Variants in AP2A2 observed in about 807,000 individuals in gnomAD.
The protein encoded by AP2A2 is adaptor related protein complex 2 subunit alpha 2.
AP2A2 carries 32 observed loss-of-function variants against 104.2 expected under a neutral mutation model. The observed-to-expected ratio is 0.31, with a 90% CI of 0.23 to 0.41. AP2A2 has a LOEUF of 0.41. Among genes scored for constraint, AP2A2 ranks in the 10% least tolerant of loss-of-function variants. AP2A2 has a pLI of 1.00. For missense variants in AP2A2, 912 were observed against 1,261.0 expected (o/e 0.72, Z 4.19); for synonymous variants, 539 against 533.3 (o/e 1.01, Z -0.15).
intron 1 of AP2A2, among the ~76,000 whole-genome samples, chr11:943,995 C>T (rs1037781280): frequency 6.7e-6 from 1 of 148,902 alleles, no homozygotes; most frequent in Non-Finnish European, 1.5e-5. Context: ...ATGCAGGTGG[C>T]AGTGGAGATG....
intron 1 of AP2A2, 84 bp downstream of exon 1, chr11:926,172 C>T (rs1853113629): frequency 3.3e-6 from 3 of 908,000 alleles, no homozygotes; most frequent in Middle Eastern, 3.6e-4. Context: ...GGCGGGGCCT[C>T]GAGGCGGGGG....
intron 14 of AP2A2, among the ~76,000 whole-genome samples, chr11:998,126 C>T (rs560834361): frequency 1.1e-4 from 17 of 152,380 alleles, no homozygotes; most frequent in South Asian, 4.1e-4. Flanking sequence ...GGGAGCAAAG[C>T]GCCGCCTTCA....
At chr11:1,009,939 A>C in intron 21 of AP2A2, 122 bp downstream of exon 21, 2 of 1,283,344 alleles carry the variant, frequency 1.6e-6, no homozygotes, top group East Asian at 5.1e-5. Flanking sequence ...TTGTTTAACC[A>C]CCACCCTGTC....
intron 4 of AP2A2, 101 bp downstream of exon 4, chr11:972,356 C>A: frequency 7.9e-7 from 1 of 1,268,474 alleles, no homozygotes; most frequent in Non-Finnish European, 1.1e-6. Context: ...GTTTTACTCT[C>A]CCCATCTTAT....
rs151131416 is a variant in AP2A2, at chr11:981,343, CTTAG to C, written c.705+48_705+51del. On this transcript the variant is annotated intron_variant, in intron 6 of 21. Transcript: ENST00000448903. ...GAGCAGAAGTCAGGGTGGGTTTTGT[CTTAG>C]TTATTTATTTATTAGCTTATTTGTA... is the stretch of plus-strand genomic sequence containing the variant. 2.1e-3 allele frequency: 3,032 copies of C among 1,452,252 alleles called. 43 individuals carry two copies. The African/African-American group carries it at 0.032, about 15-fold the overall frequency. The allele number at this position is 1,452,252 out of a possible 1,614,324, so 90.0% of individuals were successfully genotyped here.
chr11:1,010,029 A>T (rs957949301), intron 21 of AP2A2: 16 of 572,488 alleles, frequency 2.8e-5, no homozygotes, highest in Non-Finnish European at 4.9e-5. Context: ...CAGTTGTGAC[A>T]GATGTTGTGT....
At chr11:996,980 G>T (rs1397351172) in intron 14 of AP2A2, among the ~76,000 whole-genome samples, 1 of 151,978 alleles carries the variant, frequency 6.6e-6, no homozygotes, top group South Asian at 2.1e-4. Flanking sequence ...TTGCTATCCT[G>T]TGCTTTCCAA....
At position 970,427 on chromosome 11, in the gene AP2A2, G is replaced by A. The variant is rs1854778627; in HGVS notation, c.279+116G>A. ...TCTGCCCACAGCTGACGTGAGCCAC[G>A]TGGGTCTGCTGCAGATGGAGACGCG... is the stretch of plus-strand genomic sequence containing the variant. On this transcript the variant is annotated intron_variant, in intron 3 of 21. Transcript: ENST00000448903. The A allele has an allele frequency of 3.5e-5, 48 of 1,366,786 alleles. No homozygotes were observed. In the South Asian group the frequency reaches 6.6e-4, roughly 19 times the overall value. The allele number at this position is 1,366,786 out of a possible 1,614,324, so 84.7% of individuals were successfully genotyped here. A position where few individuals can be genotyped will look rare whatever the true frequency, so the allele number is the denominator to read the frequency against.
chr11:932,541 A>G (rs780167827), intron 1 of AP2A2, among the ~76,000 whole-genome samples: 17 of 152,278 alleles, frequency 1.1e-4, no homozygotes, highest in Non-Finnish European at 2.2e-4. Context: ...TTTTGACTGT[A>G]CATTCCTAAA....
chr11:983,606 A>G (rs989173861), intron 6 of AP2A2, among the ~76,000 whole-genome samples: 4 of 151,324 alleles, frequency 2.6e-5, no homozygotes, highest in Admixed American at 1.3e-4. Context: ...GATGGTCTCG[A>G]TCTCCTGACC....
chr11:928,576 A>G (rs1020031986), intron 1 of AP2A2, among the ~76,000 whole-genome samples: 3 of 152,244 alleles, frequency 2.0e-5, no homozygotes, highest in Non-Finnish European at 2.9e-5. Context: ...TGTGCCTTTT[A>G]GGATGTTTAT....
chr11:948,229 AAAG>A (rs775591387), intron 1 of AP2A2, among the ~76,000 whole-genome samples: 1 of 152,222 alleles, frequency 6.6e-6, no homozygotes, highest in Non-Finnish European at 1.5e-5. Context: ...ACTGAGATAA[AAAG>A]AAGACTCAGA....
At chr11:958,145 A>C (rs971827460) in intron 1 of AP2A2, among the ~76,000 whole-genome samples, 1 of 152,210 alleles carries the variant, frequency 6.6e-6, no homozygotes, top group African/African-American at 2.4e-5. Flanking sequence ...ATCCTGTAGG[A>C]TTGGTGGCCT....
chr11:998,397 ATTTATC>A (rs1179718448), intron 14 of AP2A2, among the ~76,000 whole-genome samples: 3 of 141,822 alleles, frequency 2.1e-5, no homozygotes, highest in South Asian at 2.2e-4. Flanking sequence ...GTGATGCCTC[ATTTATC>A]TTTGAGTAAA....
chr11:962,828 G>A (rs1365972717), intron 2 of AP2A2, among the ~76,000 whole-genome samples: 1 of 152,140 alleles, frequency 6.6e-6, no homozygotes, highest in Non-Finnish European at 1.5e-5. Flanking sequence ...AGGGAAGGTG[G>A]CCCCTCCTAC....
chr11:938,216 T>C (rs1853526945), intron 1 of AP2A2, among the ~76,000 whole-genome samples: 1 of 152,214 alleles, frequency 6.6e-6, no homozygotes, highest in Non-Finnish European at 1.5e-5. Flanking sequence ...AGCCTTTCCT[T>C]ACAGATGCTG....
chr11:928,162 C>T (rs1025777775), intron 1 of AP2A2, among the ~76,000 whole-genome samples: 3 of 152,208 alleles, frequency 2.0e-5, no homozygotes, highest in African/African-American at 7.2e-5. Flanking sequence ...GTATAGCCGT[C>T]CTCCCTTATT....
chr11:972,507 C>T (rs976397131), intron 4 of AP2A2, among the ~76,000 whole-genome samples: 2 of 152,118 alleles, frequency 1.3e-5, no homozygotes, highest in African/African-American at 4.8e-5. Context: ...CCAGCCTGGG[C>T]AACATAGGGA....
chr11:939,270 T>G (rs947147920), intron 1 of AP2A2, among the ~76,000 whole-genome samples: 2 of 150,722 alleles, frequency 1.3e-5, no homozygotes, highest in South Asian at 4.2e-4. Context: ...AAAAAAAGGT[T>G]TAAGAAGTTA....
Sources: gnomAD v4.1 joint callset for allele counts (sites outside exome capture counted in the v4.1 genomes callset) on GRCh38, gnomAD v4.1.1 for gene constraint, MANE v1.5 for transcripts, NCBI Gene and HGNC (gene_info 2026-07-23, HGNC 2026-07-21) for gene names.